NKAIN3: variants seen among roughly 807,000 people sequenced by gnomAD.
NKAIN3 encodes the protein sodium/potassium-transporting ATPase subunit beta-1-interacting protein 3.
A neutral mutation model predicts 30.2 loss-of-function variants in NKAIN3; 25 were observed. That is an observed-to-expected ratio of 0.83 (90% CI 0.60 to 1.16). The LOEUF is 1.16. NKAIN3 is among the 50% of genes most tolerant of loss of function. NKAIN3 has a pLI of 0.00. For synonymous variants in NKAIN3, 91 were observed against 89.6 expected, an observed-to-expected ratio of 1.02 and a Z score of -0.09; for missense variants, 225 against 254.1, an observed-to-expected ratio of 0.89 and a Z score of 0.78.
chr8:62,323,496 G>A (rs1815010885), intron 1 of NKAIN3, among the ~76,000 whole-genome samples: 1 of 152,194 alleles, frequency 6.6e-6, no homozygotes, highest in Admixed American at 6.5e-5. Context: ...GTGAGTCCAA[G>A]GTTGGACAGG....
intron 3 of NKAIN3, among the ~76,000 whole-genome samples, chr8:62,665,067 A>G (rs559127908): frequency 6.6e-6 from 1 of 152,284 alleles, no homozygotes; most frequent in South Asian, 2.1e-4. Flanking sequence ...AGCACCTAGG[A>G]AGTTACTGGA....
intron 1 of NKAIN3, among the ~76,000 whole-genome samples, chr8:62,407,575 T>C (rs1804114140): frequency 6.6e-6 from 1 of 152,142 alleles, no homozygotes; most frequent in African/African-American, 2.4e-5. Flanking sequence ...ACTTTTGTAA[T>C]TTTTGTAATT....
At chr8:62,633,934 G>A (rs969719893) in intron 3 of NKAIN3, among the ~76,000 whole-genome samples, 1 of 152,090 alleles carries the variant, frequency 6.6e-6, no homozygotes, top group African/African-American at 2.4e-5. Context: ...AAGGGTAGGA[G>A]GGTTCAGTAT....
rs777183121 is a variant in NKAIN3 at position 62,746,916 on chromosome 8, T to C, written c.274-16T>C. The C allele has an allele frequency of 1.9e-6, 3 of 1,576,084 alleles. No individual in the cohort carries two copies. Among genetic ancestry groups the C allele is most frequent in the Non-Finnish European group, 2.6e-6 (3 of 1,149,426 alleles). On this transcript the variant is annotated splice_polypyrimidine_tract_variant and intron_variant, in intron 3 of 6. Transcript: ENST00000623646. Reference sequence around the variant, plus strand: ...ACAATTTCCTCATTTTGCTCTTTTGTCTCCTACCCACCTAGGACACCGATC... The same window carrying C: ...ACAATTTCCTCATTTTGCTCTTTTGCCTCCTACCCACCTAGGACACCGATC...
intron 4 of NKAIN3, chr8:62,864,033 C>A: frequency 4.2e-6 from 3 of 707,432 alleles, no homozygotes; most frequent in Non-Finnish European, 7.7e-6. Context: ...TCTCTCTTTT[C>A]GGCCTCCGCT....
intron 3 of NKAIN3, among the ~76,000 whole-genome samples, chr8:62,602,663 G>C (rs1811014413): frequency 6.6e-6 from 1 of 151,892 alleles, no homozygotes; most frequent in Admixed American, 6.6e-5. Context: ...CTCTACTCTG[G>C]GACAAGAAAC....
chr8:62,503,801 C>G lies in NKAIN3; in HGVS notation c.55-75738C>G, dbSNP rs568590849. On this transcript the variant is annotated intron_variant, in intron 1 of 6. Coordinates refer to ENST00000623646, the MANE Select transcript of NKAIN3 (RefSeq NM_001304533.3). ...GGCAGTCAGACCTTATGGTTGTCTTCCCTTGCTCCCTAAAATCGCTGTTAT... is the reference window on the plus strand; with the variant it reads ...GGCAGTCAGACCTTATGGTTGTCTTGCCTTGCTCCCTAAAATCGCTGTTAT... Among the ~76,000 whole-genome samples the G allele has an allele frequency of 1.6e-4, 24 of 152,162 alleles. No individual in the cohort carries two copies. In the South Asian group the frequency reaches 5.0e-3, roughly 32 times the overall value.
intron 1 of NKAIN3, among the ~76,000 whole-genome samples, chr8:62,488,982 G>T (rs1449591906): frequency 2.0e-5 from 3 of 152,104 alleles, no homozygotes; most frequent in African/African-American, 4.8e-5. Flanking sequence ...AGTGTTCAAT[G>T]AATGCTAGCT....
chr8:62,624,910 T>G (rs1811746058), intron 3 of NKAIN3, among the ~76,000 whole-genome samples: 1 of 152,046 alleles, frequency 6.6e-6, no homozygotes, highest in Non-Finnish European at 1.5e-5. Context: ...ATAAAAACAT[T>G]TGTCATTTCT....
At chr8:62,366,744 G>T (rs1816751899) in intron 1 of NKAIN3, among the ~76,000 whole-genome samples, 1 of 151,918 alleles carries the variant, frequency 6.6e-6, no homozygotes, top group Non-Finnish European at 1.5e-5. Context: ...ACTTTGGATT[G>T]AGTTTGTTTT....
intron 4 of NKAIN3, among the ~76,000 whole-genome samples, chr8:62,843,303 TTTAATTAA>T (rs869033734): frequency 3.1e-4 from 47 of 151,470 alleles, no homozygotes; most frequent in African/African-American, 4.3e-4. Flanking sequence ...TTTTTCTTTT[TTTAATTAA>T]TTAATTAATT....
intron 1 of NKAIN3, among the ~76,000 whole-genome samples, chr8:62,426,085 T>C (rs1161673824): frequency 6.6e-6 from 1 of 151,968 alleles, no homozygotes; most frequent in Non-Finnish European, 1.5e-5. Flanking sequence ...TGAGCAATTA[T>C]CAAGTGCATT....
intron 1 of NKAIN3, chr8:62,483,633 C>CG (rs1806805118): frequency 5.3e-6 from 1 of 187,702 alleles, no homozygotes; most frequent in Non-Finnish European, 1.1e-5. Context: ...AATGGGTAAT[C>CG]TTCTCATAGG....
At chr8:62,489,426 A>G (rs902430834) in intron 1 of NKAIN3, among the ~76,000 whole-genome samples, 2 of 152,192 alleles carry the variant, frequency 1.3e-5, no homozygotes, top group Admixed American at 6.5e-5. Flanking sequence ...TGCTAACCTC[A>G]GTTATCTGTT....
chr8:62,331,148 C>T (rs1418168772), intron 1 of NKAIN3, among the ~76,000 whole-genome samples: 1 of 146,820 alleles, frequency 6.8e-6, no homozygotes, highest in Non-Finnish European at 1.5e-5. Flanking sequence ...CTCTTCCACC[C>T]CCTCTTCCTC....
At chr8:62,691,057 G>A (rs191992063) in intron 3 of NKAIN3, among the ~76,000 whole-genome samples, 242 of 152,246 alleles carry the variant, frequency 1.6e-3, no homozygotes, top group Non-Finnish European at 7.9e-4. Context: ...GGATCAAGTT[G>A]TCCGACTCTC....
At chr8:62,937,332 G>C (rs1173589216) in intron 5 of NKAIN3, among the ~76,000 whole-genome samples, 1 of 152,152 alleles carries the variant, frequency 6.6e-6, no homozygotes, top group African/African-American at 2.4e-5. Flanking sequence ...CGTACTCCGT[G>C]AAACAGCCGA....
chr8:62,744,373 C>G lies in NKAIN3; in HGVS notation c.274-2559C>G, dbSNP rs2352402. ...ATAGTTCCAACAAATTTAATGATAC[C>G]TATGCTGAAAGGTTTTATGAGTGTA... On this transcript the variant is annotated intron_variant, in intron 3 of 6. Transcript: ENST00000623646. 5.5e-3 allele frequency among the ~76,000 whole-genome samples: 844 copies of G among 152,124 alleles called. 29 individuals are homozygous for G. The highest frequency in any genetic ancestry group is 0.046 in the Admixed American group (710 of 15,272).
intron 4 of NKAIN3, among the ~76,000 whole-genome samples, chr8:62,861,245 AGT>A: frequency 1.3e-5 from 2 of 152,324 alleles, no homozygotes; most frequent in Admixed American, 1.3e-4. Context: ...AACTGGTCTT[AGT>A]CACACACACA....
Sources: allele counts gnomAD v4.1 joint callset (sites outside exome capture counted in the v4.1 genomes callset), GRCh38; gene constraint gnomAD v4.1.1; transcripts MANE v1.5; gene names NCBI Gene and HGNC (gene_info 2026-07-23, HGNC 2026-07-21).